Variants in CHST9 observed in about 807,000 individuals in gnomAD.
CHST9 encodes the protein carbohydrate sulfotransferase 9.
In CHST9, 41 loss-of-function variants were observed where a neutral mutation model predicts 44.4. The observed-to-expected ratio is 0.92, with a 90% CI of 0.72 to 1.20. The LOEUF is 1.20. CHST9 is among the 50% of genes most tolerant of loss of function. The pLI is 0.00. For missense variants in CHST9, 504 were observed against 516.5 expected (o/e 0.98, Z 0.23); for synonymous variants, 171 against 178.4 (o/e 0.96, Z 0.33).
At chr18:27,105,811 A>G (rs1598728451) in intron 2 of CHST9, among the ~76,000 whole-genome samples, 1 of 138,398 alleles carries the variant, frequency 7.2e-6, no homozygotes, top group Non-Finnish European at 1.6e-5. Flanking sequence ...CACACAGGCA[A>G]TAATCTGTTT....
intron 2 of CHST9, among the ~76,000 whole-genome samples, chr18:27,108,191 C>T (rs769707181): frequency 2.6e-5 from 4 of 152,154 alleles, no homozygotes; most frequent in Admixed American, 6.5e-5. Flanking sequence ...AATCATGGTT[C>T]ACCTGCCTGT....
chr18:27,048,527 G>A (rs1238230918), intron 2 of CHST9, 24 bp from the exon 3 acceptor site: 3 of 1,587,730 alleles, frequency 1.9e-6, no homozygotes, highest in Non-Finnish European at 2.6e-6. Context: ...TGGAAGATAA[G>A]TTACAGCATG....
At chr18:26,929,929 A>G (rs2055846288) in intron 5 of CHST9, among the ~76,000 whole-genome samples, 1 of 152,180 alleles carries the variant, frequency 6.6e-6, no homozygotes, top group Non-Finnish European at 1.5e-5. Context: ...GCCAATGCCT[A>G]CTAGTCCAAA....
At chr18:26,960,417 T>A (rs773928329) in intron 4 of CHST9, among the ~76,000 whole-genome samples, 1 of 152,226 alleles carries the variant, frequency 6.6e-6, no homozygotes, top group Non-Finnish European at 1.5e-5. Flanking sequence ...TCTCAGGAAC[T>A]AGCAAATTTG....
chr18:27,166,357 C>G (rs1428432167), intron 1 of CHST9, among the ~76,000 whole-genome samples: 1 of 152,190 alleles, frequency 6.6e-6, no homozygotes. Flanking sequence ...ATACCTGTCC[C>G]TCAAACTCTA....
In CHST9 at chr18:27,048,494, T is replaced by G; in HGVS notation, c.131A>C (p.Glu44Ala). 6.2e-7 allele frequency: 1 copy of G among 1,606,600 alleles called. No homozygotes were observed. Among genetic ancestry groups the G allele is most frequent in the Non-Finnish European group, 8.5e-7 (1 of 1,176,430 alleles). ...AGTTACTTTTTGTTCTCTTCTCTTCTCCACTCTCCCTGAAATGAGAAGTGG... is the reference window on the plus strand; with the variant it reads ...AGTTACTTTTTGTTCTCTTCTCTTCGCCACTCTCCCTGAAATGAGAAGTGG... ...WIEEQHTGRVEKRREQKVTSG... is the reference protein window; with the variant it reads ...WIEEQHTGRVAKRREQKVTSG... Residue 44 changes from glutamate to alanine, a missense_variant, in exon 3 of 6, where the codon GAG becomes GCG. Glu to Ala is a moderately radical substitution (Grantham distance 107). Coordinates refer to ENST00000618847, the MANE Select transcript of CHST9 (RefSeq NM_031422.6).
intron 2 of CHST9, among the ~76,000 whole-genome samples, chr18:27,067,236 T>C (rs2057791466): frequency 6.6e-6 from 1 of 152,108 alleles, no homozygotes. Context: ...CCGACTTTTT[T>C]TTTTGAAAAT....
intron 2 of CHST9, among the ~76,000 whole-genome samples, chr18:27,128,431 G>A (rs867336240): frequency 2.2e-4 from 33 of 152,146 alleles, no homozygotes; most frequent in African/African-American, 6.5e-4. Context: ...CATGACGCCC[G>A]GCTAATTTTT....
intron 5 of CHST9, among the ~76,000 whole-genome samples, chr18:26,920,592 C>T (rs1409556787): frequency 2.0e-5 from 3 of 152,086 alleles, no homozygotes; most frequent in Non-Finnish European, 4.4e-5. Context: ...CACTGCCTGG[C>T]GCATAGAAGA....
rs776277592 is a variant in CHST9 at position 26,916,160 on chromosome 18, TG to T, written c.*98del. The T allele has an allele frequency of 2.0e-6, 2 of 979,856 alleles. No homozygotes were observed. Among genetic ancestry groups the T allele is most frequent in the Non-Finnish European group, 3.0e-6 (2 of 659,134 alleles). 60.7% of individuals were successfully genotyped at this position (979,856 alleles called of 1,614,324 possible). ...TACATTAAATCAAGACAACTGCACTTGGTTAAATTTCTGTCATACAGAGAAT... is the reference window on the plus strand; with the variant it reads ...TACATTAAATCAAGACAACTGCACTTGTTAAATTTCTGTCATACAGAGAAT... On this transcript the variant is annotated 3_prime_UTR_variant, in exon 6 of 6. Coordinates refer to ENST00000618847, the MANE Select transcript of CHST9 (RefSeq NM_031422.6).
intron 4 of CHST9, among the ~76,000 whole-genome samples, chr18:26,983,095 A>G (rs375442234): frequency 6.6e-6 from 1 of 152,162 alleles, no homozygotes. Context: ...AGGAAGAGGC[A>G]CTGTCAATAA....
rs138747694 is a variant in CHST9, at chr18:27,029,510, A to G, written c.161-5353T>C. On this transcript the variant is annotated intron_variant, in intron 3 of 5. Transcript: ENST00000618847. The stretch of plus-strand genomic sequence containing the variant: ...GACCAAAAATAGCAACTGTACTTCA[A>G]ATGAAGTACAGTTGTCTCTTGGTAT... 9.4e-3 allele frequency among the ~76,000 whole-genome samples: 1,434 copies of G among 152,226 alleles called. 12 individuals are homozygous for G. Among genetic ancestry groups the G allele is most frequent in the Middle Eastern group, 0.048 (14 of 294 alleles).
chr18:26,999,026 T>C (rs762915324), intron 4 of CHST9, among the ~76,000 whole-genome samples: 1 of 152,180 alleles, frequency 6.6e-6, no homozygotes, highest in Non-Finnish European at 1.5e-5. Flanking sequence ...ATCATTTCAG[T>C]TGAAAGAATT....
In CHST9 at chr18:26,992,058, T is replaced by C. The variant is rs1053152131; in HGVS notation, c.202+32058A>G. On this transcript the variant is annotated intron_variant, in intron 4 of 5. Transcript: ENST00000618847. ...CGAAAAAAGGAAAAATTGATGTTGT[T>C]ATCTGTCACTTATGTTCTTGTTCAT... Among the ~76,000 whole-genome samples, 2 of 127,466 alleles carry C rather than the reference T, an allele frequency of 1.6e-5. 1 individual carries two copies. Among genetic ancestry groups the C allele is most frequent in the Non-Finnish European group, 3.6e-5 (2 of 55,672 alleles). 83.6% of individuals were successfully genotyped at this position (127,466 alleles called of 152,430 possible). A position where few individuals can be genotyped will look rare whatever the true frequency, so the allele number is the denominator to read the frequency against.
intron 4 of CHST9, among the ~76,000 whole-genome samples, chr18:27,006,287 T>C (rs1012168604): frequency 1.3e-5 from 2 of 152,170 alleles, no homozygotes; most frequent in African/African-American, 4.8e-5. Context: ...ATGATGAATC[T>C]ATTTTCAGAG....
At chr18:27,147,868 T>A (rs1598757578) in intron 1 of CHST9, 1 of 151,906 alleles carries the variant, frequency 6.6e-6, no homozygotes, top group South Asian at 2.1e-4. Flanking sequence ...TTTCTTTTTT[T>A]TTTTTTTTTA....
chr18:27,086,360 G>A (rs1030976861), intron 2 of CHST9, among the ~76,000 whole-genome samples: 1 of 152,246 alleles, frequency 6.6e-6, no homozygotes, highest in African/African-American at 2.4e-5. Flanking sequence ...AATTTGGTGA[G>A]TTGGCCTTTG....
intron 3 of CHST9, among the ~76,000 whole-genome samples, chr18:27,036,421 T>C (rs887660262): frequency 5.3e-5 from 8 of 152,224 alleles, no homozygotes; most frequent in African/African-American, 1.7e-4. Flanking sequence ...CAATGTAACC[T>C]AGAATTAAAT....
At chr18:27,176,702 T>C (rs1441948869) in intron 1 of CHST9, among the ~76,000 whole-genome samples, 2 of 152,012 alleles carry the variant, frequency 1.3e-5, no homozygotes, top group Admixed American at 6.6e-5. Flanking sequence ...ATTAAATATA[T>C]ATCAATAATC....
Sources: gnomAD v4.1 joint callset for allele counts (sites outside exome capture counted in the v4.1 genomes callset) on GRCh38, gnomAD v4.1.1 for gene constraint, MANE v1.5 for transcripts, NCBI Gene and HGNC (gene_info 2026-07-23, HGNC 2026-07-21) for gene names.